TNFRSF10A: variants seen among roughly 807,000 people sequenced by gnomAD.
TNFRSF10A encodes tumor necrosis factor receptor superfamily member 10A.
A neutral mutation model predicts 42.8 loss-of-function variants in TNFRSF10A; 44 were observed. The ratio of observed to expected loss-of-function variants is 1.03; its 90% CI spans 0.81 to 1.32. The LOEUF (loss-of-function observed/expected upper bound fraction) is 1.32, where lower values mean the gene tolerates loss of function less well. Ranked by LOEUF, TNFRSF10A falls within the 40% of genes most tolerant of loss-of-function variation. The probability of loss-of-function intolerance (pLI) is 0.00; values close to 1 mark genes in which losing one functional copy is unlikely to be tolerated. For missense variants in TNFRSF10A, 680 were observed against 602.0 expected, an observed-to-expected ratio of 1.13 and a Z score of -1.36; for synonymous variants, 259 against 234.2, an observed-to-expected ratio of 1.11 and a Z score of -0.97.
intron 4 of TNFRSF10A, 47 bp downstream of exon 4, chr8:23,201,761 C>T (rs763694477): frequency 4.2e-5 from 66 of 1,569,940 alleles, no homozygotes; most frequent in Non-Finnish European, 5.5e-5. Context: ...TTCCTTGCTT[C>T]TGTGGGTTCT....
In TNFRSF10A at chr8:23,199,895, G is replaced by A; in HGVS notation, c.822C>T (p.Cys274=). ...IGSGCGGDPK[C]MDRVCFWRLG... is the part of the protein sequence containing the mutation. ...GGAGAAATCAACTCACCCTGTCCAT[G>A]CACTTGGGGTCCCCTCCACAACCTA... The change falls in exon 7 of 10, where the codon TGC becomes TGT. Residue 274 remains cysteine, a synonymous_variant. Coordinates refer to ENST00000221132, the MANE Select transcript of TNFRSF10A (RefSeq NM_003844.4). 1 of 1,614,142 alleles carries A rather than the reference G, an allele frequency of 6.2e-7. No homozygotes were observed. Among genetic ancestry groups the A allele is most frequent in the Non-Finnish European group, 8.5e-7 (1 of 1,180,006 alleles).
chr8:23,219,432 A>G (rs1801227526), intron 1 of TNFRSF10A, among the ~76,000 whole-genome samples: 1 of 145,118 alleles, frequency 6.9e-6, no homozygotes, highest in South Asian at 2.3e-4. Context: ...AGTGCAGGGC[A>G]GAGATGTGGA....
rs58691757 is a variant in TNFRSF10A at position 23,213,436 on chromosome 8, C to CTTTTTTTTTTTTTTTTTTTTT, written c.307-1245_307-1225dup. On this transcript the variant is annotated intron_variant, in intron 1 of 9. Transcript: ENST00000221132. ...GCTGGTTTGGGCTTAGTTTGCTCCT[C>CTTTTTTTTTTTTTTTTTTTTT]TTTTTTTTTTTTTTTTTTTTTTTTT... Among the ~76,000 whole-genome samples the CTTTTTTTTTTTTTTTTTTTTT allele has an allele frequency of 1.1e-3, 75 of 68,644 alleles. 11 individuals carry two copies. The highest frequency in any genetic ancestry group is 0.01 in the Middle Eastern group (1 of 98). 45.0% of individuals were successfully genotyped at this position (68,644 alleles called of 152,430 possible). A position where few individuals can be genotyped will look rare whatever the true frequency, so the allele number is the denominator to read the frequency against.
chr8:23,201,872 G>A lies in TNFRSF10A; in HGVS notation c.565C>T (p.Gln189Ter). 3 of 1,614,218 alleles carry A rather than the reference G, an allele frequency of 1.9e-6. No homozygotes were observed. The highest frequency in any genetic ancestry group is 2.5e-6 in the Non-Finnish European group (3 of 1,180,048). Reference sequence around the variant, plus strand: ...TTCCGGAAAGTTCCTGGTTTGCACTGACATGCTGTGTTCCTGGTCGTGGTG... The same window carrying A: ...TTCCGGAAAGTTCCTGGTTTGCACTAACATGCTGTGTTCCTGGTCGTGGTG... ...PCTTTRNTAC[Q>*]CKPGTFRNDN... Residue 189 changes from glutamine (Q) to a stop codon, truncating the protein, a stop_gained, in exon 4 of 10, where the codon CAG becomes TAG. Coordinates refer to ENST00000221132, the MANE Select transcript of TNFRSF10A (RefSeq NM_003844.4). LOFTEE classifies it high-confidence loss of function.
intron 9 of TNFRSF10A, among the ~76,000 whole-genome samples, chr8:23,192,964 T>C (rs1800776435): frequency 6.6e-6 from 1 of 152,210 alleles, no homozygotes; most frequent in South Asian, 2.1e-4. Flanking sequence ...GTGGGACCCC[T>C]CATTCATCTT....
intron 1 of TNFRSF10A, among the ~76,000 whole-genome samples, chr8:23,215,696 T>C (rs562247633): frequency 1.3e-3 from 191 of 152,352 alleles, no homozygotes; most frequent in Non-Finnish European, 2.4e-3. Context: ...ATAAAGTTAT[T>C]CATAAGATCC....
intron 2 of TNFRSF10A, chr8:23,207,443 C>T: frequency 6.5e-6 from 3 of 463,596 alleles, no homozygotes; most frequent in South Asian, 5.3e-5. Context: ...GCCCAGATGC[C>T]TTTACCACTG....
intron 3 of TNFRSF10A, 81 bp from the exon 4 acceptor site, chr8:23,202,000 C>T: frequency 7.8e-7 from 1 of 1,279,920 alleles, no homozygotes; most frequent in Non-Finnish European, 1.1e-6. Context: ...AACTCCCTCC[C>T]CCTCAGCTCA....
rs1259272688 is a variant in TNFRSF10A, at chr8:23,199,372, G to A, written c.908C>T (p.Ala303Val). 1.2e-6 allele frequency: 2 copies of A among 1,614,188 alleles called. No homozygotes were observed. The highest frequency in any genetic ancestry group is 1.6e-4 in the Middle Eastern group (1 of 6,062). ...DNAHNEILSN[A>V]DSLSTFVSEQ... Reference sequence around the variant, plus strand: ...AGAGACGAAAGTGGACAGCGAGTCTGCGTTGCTCAGAATCTCGTTGTGAGC... The same window carrying A: ...AGAGACGAAAGTGGACAGCGAGTCTACGTTGCTCAGAATCTCGTTGTGAGC... Residue 303 changes from alanine to valine, a missense_variant, in exon 8 of 10, where the codon GCA (alanine) becomes GTA (valine). Transcript: ENST00000221132.
At chr8:23,200,045 TC>T in intron 6 of TNFRSF10A, 128 bp from the exon 7 acceptor site, 1 of 1,140,002 alleles carries the variant, frequency 8.8e-7, no homozygotes, top group Non-Finnish European at 1.3e-6. Context: ...GGCCTGGGGA[TC>T]CACATGAGGC....
At chr8:23,194,674 C>G (rs918672489) in intron 9 of TNFRSF10A, among the ~76,000 whole-genome samples, 1 of 152,114 alleles carries the variant, frequency 6.6e-6, no homozygotes, top group Non-Finnish European at 1.5e-5. Flanking sequence ...AAAAAAATGG[C>G]TGACAAAGAA....
At chr8:23,213,439 T>TTTTTTTTTTG (rs1801119951) in intron 1 of TNFRSF10A, among the ~76,000 whole-genome samples, 1 of 10,412 alleles carries the variant, frequency 9.6e-5, no homozygotes, top group Non-Finnish European at 2.6e-4. Flanking sequence ...TGCTCCTCTT[T>TTTTTTTTTTG]TTTTTTTTTT....
chr8:23,193,065 G>C (rs1391907192), intron 9 of TNFRSF10A, among the ~76,000 whole-genome samples: 1 of 152,180 alleles, frequency 6.6e-6, no homozygotes, highest in African/African-American at 2.4e-5. Flanking sequence ...TAGTTGGTCA[G>C]GGAGATACAG....
In TNFRSF10A at chr8:23,213,436, C is replaced by CTTTTTTTTTTTTT. The variant is rs58691757; in HGVS notation, c.307-1237_307-1225dup. ...GCTGGTTTGGGCTTAGTTTGCTCCT[C>CTTTTTTTTTTTTT]TTTTTTTTTTTTTTTTTTTTTTTTT... is the stretch of plus-strand genomic sequence containing the variant. On this transcript the variant is annotated intron_variant, in intron 1 of 9. Coordinates refer to ENST00000221132, the MANE Select transcript of TNFRSF10A (RefSeq NM_003844.4). 6.2e-3 allele frequency among the ~76,000 whole-genome samples: 425 copies of CTTTTTTTTTTTTT among 68,588 alleles called. 47 individuals carry two copies. The highest frequency in any genetic ancestry group is 8.4e-3 in the Non-Finnish European group (319 of 38,126). The allele number at this position is 68,588 out of a possible 152,430, so 45.0% of individuals were successfully genotyped here.
At chr8:23,219,026 G>C (rs1331285831) in intron 1 of TNFRSF10A, among the ~76,000 whole-genome samples, 1 of 152,102 alleles carries the variant, frequency 6.6e-6, no homozygotes, top group Non-Finnish European at 1.5e-5. Flanking sequence ...ATGACCTGGG[G>C]CCTTGCAACT....
chr8:23,215,613 C>T (rs1391685626), intron 1 of TNFRSF10A, among the ~76,000 whole-genome samples: 1 of 152,076 alleles, frequency 6.6e-6, no homozygotes, highest in African/African-American at 2.4e-5. Flanking sequence ...ATCTTTATTT[C>T]TTGTGGCTAT....
At position 23,224,299 on chromosome 8, in the gene TNFRSF10A, CAAAAAAAAAAAAAA is replaced by C. The variant is rs71208595; in HGVS notation, c.306+443_306+456del. 6.6e-3 allele frequency: 672 copies of C among 101,762 alleles called. 16 individuals are homozygous for C. Among genetic ancestry groups the C allele is most frequent in the East Asian group, 0.037 (161 of 4,400 alleles). 6.3% of individuals were successfully genotyped at this position (101,762 alleles called of 1,614,324 possible). On this transcript the variant is annotated intron_variant, in intron 1 of 9. Transcript: ENST00000221132. ...TGGGCGACAGAGAGAGACTCCGTTT[CAAAAAAAAAAAAAA>C]AAAAAAAAAGAAGAGAAGAAAAGAA...
At chr8:23,204,534 C>T (rs1478165304) in intron 2 of TNFRSF10A, among the ~76,000 whole-genome samples, 1 of 152,120 alleles carries the variant, frequency 6.6e-6, no homozygotes, top group Non-Finnish European at 1.5e-5. Flanking sequence ...TAGACTTGAA[C>T]AACACTATTA....
At position 23,212,156 on chromosome 8, in the gene TNFRSF10A, C is replaced by T; in HGVS notation, c.363G>A (p.Gln121=). ...CTCCCAAAGGGCTATGTTCCCATTG[C>T]TGTGTGCCAATTGATTGATCATGAA... is the stretch of plus-strand genomic sequence containing the variant. ...IKLHDQSIGT[Q]QWEHSPLGEL... The change falls in exon 2 of 10, where the codon CAG becomes CAA. Residue 121 remains glutamine, a synonymous_variant. Coordinates refer to ENST00000221132, the MANE Select transcript of TNFRSF10A (RefSeq NM_003844.4). 1 of 1,613,862 alleles carries T rather than the reference C, an allele frequency of 6.2e-7. No homozygotes were observed. Among genetic ancestry groups the T allele is most frequent in the Non-Finnish European group, 8.5e-7 (1 of 1,179,810 alleles).
Sources: allele counts gnomAD v4.1 joint callset (sites outside exome capture counted in the v4.1 genomes callset), GRCh38; gene constraint gnomAD v4.1.1; transcripts MANE v1.5; gene names NCBI Gene and HGNC (gene_info 2026-07-23, HGNC 2026-07-21).